Variants in ADGRL3 observed in about 807,000 individuals in gnomAD.
ADGRL3 encodes the protein adhesion G protein-coupled receptor L3.
Under a neutral mutation model 153.5 loss-of-function variants are expected in ADGRL3, and 62 were observed. The ratio of observed to expected loss-of-function variants is 0.40; its 90% confidence interval spans 0.33 to 0.50. ADGRL3 has a LOEUF of 0.50. Ranked by LOEUF, ADGRL3 falls within the 20% of genes least tolerant of loss-of-function variation. ADGRL3 has a pLI of 0.47. For synonymous variants in ADGRL3, 710 were observed against 672.5 expected (o/e 1.06, Z -0.86); for missense variants, 1,641 against 1,859.4 (o/e 0.88, Z 2.16).
Position 61,517,482 on chromosome 4 carries a change from G to A in ADGRL3, c.223G>A (p.Gly75Ser). ...CCGTGGAGCTACCAGAGGAGTTCGC[G>A]GTCCAGGTGCCCAAGGAGCACAGAT... ...GPRGATRGVR[G>S]PGAQGAQIAA... is the part of the protein sequence containing the mutation. Residue 75 changes from glycine (G) to serine (S), a missense_variant, in exon 4 of 27, where the codon GGT becomes AGT. Gly to Ser is a moderately conservative substitution (Grantham distance 56). This residue lies in a region of ADGRL3 where 145 missense variants were observed against 79.1 expected (regional missense o/e 1.83). Coordinates refer to ENST00000683033, the MANE Select transcript of ADGRL3 (RefSeq NM_001387552.1). 1.4e-6 allele frequency: 1 copy of A among 731,108 alleles called. No individual in the cohort carries two copies. The highest frequency in any genetic ancestry group is 2.4e-6 in the Non-Finnish European group (1 of 411,286). The allele number at this position is 731,108 out of a possible 1,614,324, so 45.3% of individuals were successfully genotyped here.
chr4:61,874,789 CTTTTTTTTTT>C (rs11432355), intron 9 of ADGRL3, among the ~76,000 whole-genome samples: 69 of 61,542 alleles, frequency 1.1e-3, no homozygotes, highest in African/African-American at 3.5e-3. Flanking sequence ...TCAAAATGCT[CTTTTTTTTTT>C]TTTTTTTTTT....
chr4:61,275,276 G>T (rs1382890595), intron 1 of ADGRL3, among the ~76,000 whole-genome samples: 1 of 152,138 alleles, frequency 6.6e-6, no homozygotes, highest in Non-Finnish European at 1.5e-5. Flanking sequence ...TGAGGGTAGG[G>T]ATTCTGCCTT....
chr4:61,971,154 T>G (rs1042066475), intron 17 of ADGRL3, among the ~76,000 whole-genome samples: 2 of 151,622 alleles, frequency 1.3e-5, no homozygotes, highest in Non-Finnish European at 2.9e-5. Context: ...TTATTTTTAT[T>G]TATTTATTTA....
At chr4:61,866,160 T>A (rs572813858) in intron 9 of ADGRL3, among the ~76,000 whole-genome samples, 110 of 152,254 alleles carry the variant, frequency 7.2e-4, no homozygotes, top group African/African-American at 2.6e-3. Context: ...TCCTTTCACT[T>A]TTGTAGTGGA....
At chr4:61,882,420 T>G (rs1272322588) in intron 9 of ADGRL3, among the ~76,000 whole-genome samples, 1 of 152,176 alleles carries the variant, frequency 6.6e-6, no homozygotes, top group Non-Finnish European at 1.5e-5. Flanking sequence ...CCACCACAGA[T>G]GTTTAGCCAA....
intron 25 of ADGRL3, among the ~76,000 whole-genome samples, chr4:62,048,775 A>G (rs894924040): frequency 1.3e-5 from 2 of 151,278 alleles, no homozygotes; most frequent in Non-Finnish European, 2.9e-5. Flanking sequence ...CTGGTCTTGA[A>G]GTCCTGGCCT....
At chr4:61,756,276 G>C (rs2096829270) in intron 8 of ADGRL3, among the ~76,000 whole-genome samples, 1 of 152,118 alleles carries the variant, frequency 6.6e-6, no homozygotes, top group Non-Finnish European at 1.5e-5. Context: ...CCATTTGATT[G>C]TATTCTCTTT....
At chr4:61,969,701 G>T (rs1035402677) in intron 17 of ADGRL3, among the ~76,000 whole-genome samples, 7 of 152,026 alleles carry the variant, frequency 4.6e-5, no homozygotes, top group Non-Finnish European at 7.4e-5. Flanking sequence ...AATGCATGTG[G>T]GTTAAATACT....
intron 9 of ADGRL3, among the ~76,000 whole-genome samples, chr4:61,870,129 C>A (rs1194577128): frequency 1.3e-5 from 2 of 151,796 alleles, no homozygotes; most frequent in East Asian, 3.9e-4. Flanking sequence ...TAATTGTTGA[C>A]AGTTTAGTAA....
intron 1 of ADGRL3, among the ~76,000 whole-genome samples, chr4:61,359,490 A>T (rs1021868677): frequency 6.6e-6 from 1 of 152,070 alleles, no homozygotes; most frequent in African/African-American, 2.4e-5. Flanking sequence ...CCTTGCTGCT[A>T]CATAAATCCC....
At chr4:61,425,115 G>A (rs2097260391) in intron 2 of ADGRL3, among the ~76,000 whole-genome samples, 1 of 152,108 alleles carries the variant, frequency 6.6e-6, no homozygotes, top group South Asian at 2.1e-4. Flanking sequence ...GGTGATATAT[G>A]TTATATTTGT....
Position 61,699,424 on chromosome 4 carries a change from C to G in ADGRL3, c.583+22489C>G, listed in dbSNP as rs546863703. 3.3e-5 allele frequency among the ~76,000 whole-genome samples: 5 copies of G among 152,154 alleles called. No homozygotes were observed. In the South Asian group the frequency reaches 1.0e-3, roughly 32 times the overall value. On this transcript the variant is annotated intron_variant, in intron 6 of 26. Transcript: ENST00000683033. ...GCTGTATGCCCAGCACTGTACTAGG[C>G]ACTGAGCACAGCAGGAAACAAAATA...
intron 4 of ADGRL3, among the ~76,000 whole-genome samples, chr4:61,521,834 C>T (rs2098532989): frequency 1.3e-5 from 2 of 151,920 alleles, no homozygotes; most frequent in Admixed American, 1.3e-4. Context: ...ACTGATTGAA[C>T]AGAAACCCAA....
chr4:61,711,457 ATT>A (rs1491552913), intron 6 of ADGRL3, among the ~76,000 whole-genome samples: 13 of 43,864 alleles, frequency 3.0e-4, no homozygotes, highest in African/African-American at 1.2e-3. Context: ...CATATGCTTC[ATT>A]ATATATATAT....
At chr4:61,481,044 C>A (rs923010756) in intron 2 of ADGRL3, among the ~76,000 whole-genome samples, 2 of 152,110 alleles carry the variant, frequency 1.3e-5, no homozygotes, top group Non-Finnish European at 2.9e-5. Flanking sequence ...GTACTTAACA[C>A]ACCCCTAGTA....
At chr4:61,918,152 AAAATG>A (rs2098753127) in intron 13 of ADGRL3, among the ~76,000 whole-genome samples, 1 of 152,190 alleles carries the variant, frequency 6.6e-6, no homozygotes. Context: ...GGTTTTTAAA[AAAATG>A]AAATAAGATT....
At chr4:61,778,008 C>T (rs1353499854) in intron 8 of ADGRL3, among the ~76,000 whole-genome samples, 8 of 152,116 alleles carry the variant, frequency 5.3e-5, no homozygotes, top group Admixed American at 5.2e-4. Flanking sequence ...ATCTGAAATG[C>T]TCCAAAATCT....
intron 4 of ADGRL3, among the ~76,000 whole-genome samples, chr4:61,571,942 A>G (rs2098840810): frequency 1.3e-5 from 2 of 152,188 alleles, no homozygotes; most frequent in Non-Finnish European, 2.9e-5. Context: ...CTTTCTTGGC[A>G]TGTAATAAAA....
intron 24 of ADGRL3, 114 bp from the exon 25 acceptor site, chr4:62,044,339 C>A: frequency 1.4e-6 from 1 of 698,504 alleles, no homozygotes; most frequent in Non-Finnish European, 2.5e-6. Flanking sequence ...TGTCTATTTG[C>A]CAAATGCTAG....
Sources: allele counts gnomAD v4.1 joint callset (sites outside exome capture counted in the v4.1 genomes callset), GRCh38; gene constraint gnomAD v4.1.1; regional missense constraint gnomAD v4.1.1; transcripts MANE v1.5; gene names NCBI Gene and HGNC (gene_info 2026-07-23, HGNC 2026-07-21).